The following SYN3 variants were observed in gnomAD, a reference collection of about 807,000 sequenced individuals.
The protein encoded by SYN3 is synapsin III.
A neutral mutation model predicts 65.8 loss-of-function variants in SYN3; 35 were observed. The ratio of observed to expected loss-of-function variants is 0.53; its 90% confidence interval spans 0.41 to 0.70. The LOEUF (loss-of-function observed/expected upper bound fraction) is 0.70. Ranked by LOEUF, SYN3 falls within the 30% of genes least tolerant of loss-of-function variation. The pLI is 0.00. For missense variants in SYN3, 680 were observed against 749.0 expected (o/e 0.91, Z 1.08); for synonymous variants, 270 against 292.9 (o/e 0.92, Z 0.80).
intron 4 of SYN3, among the ~76,000 whole-genome samples, chr22:32,920,421 G>C (rs1248855979): frequency 6.6e-6 from 1 of 152,182 alleles, no homozygotes; most frequent in Non-Finnish European, 1.5e-5. Flanking sequence ...CCCCGGGATG[G>C]CCCCTGCTCT....
chr22:32,671,452 C>T (rs1601883003), intron 6 of SYN3, among the ~76,000 whole-genome samples: 2 of 151,316 alleles, frequency 1.3e-5, no homozygotes, highest in South Asian at 2.1e-4. Flanking sequence ...CACCCTCCCT[C>T]ACACACACAG....
At chr22:32,535,716 C>T (rs1378150570) in intron 9 of SYN3, among the ~76,000 whole-genome samples, 1 of 151,854 alleles carries the variant, frequency 6.6e-6, no homozygotes, top group Admixed American at 6.6e-5. Flanking sequence ...CCCCATAGGG[C>T]ACAGGCATCC....
chr22:32,648,657 T>C (rs952631058), intron 6 of SYN3, among the ~76,000 whole-genome samples: 9 of 152,324 alleles, frequency 5.9e-5, no homozygotes, highest in South Asian at 2.1e-4. Flanking sequence ...CATGGGCAGG[T>C]TGATTAACCT....
chr22:32,605,158 C>T (rs1601742413), intron 6 of SYN3, among the ~76,000 whole-genome samples: 2 of 152,004 alleles, frequency 1.3e-5, no homozygotes, highest in African/African-American at 4.8e-5. Context: ...AGACAGTAAG[C>T]GCGTTTGTTG....
At chr22:32,976,024 T>C (rs776482502) in intron 3 of SYN3, among the ~76,000 whole-genome samples, 5 of 152,222 alleles carry the variant, frequency 3.3e-5, no homozygotes, top group African/African-American at 4.8e-5. Context: ...AAGGCTGAAG[T>C]GCATGTGAGA....
At chr22:32,579,405 ACTTT>A (rs1249728013) in intron 7 of SYN3, among the ~76,000 whole-genome samples, 1 of 152,112 alleles carries the variant, frequency 6.6e-6, no homozygotes, top group Non-Finnish European at 1.5e-5. Context: ...ATAGATGGTG[ACTTT>A]TGCTGCATTC....
At chr22:32,778,252 C>T (rs1024463080) in intron 6 of SYN3, among the ~76,000 whole-genome samples, 2 of 152,108 alleles carry the variant, frequency 1.3e-5, no homozygotes, top group African/African-American at 2.4e-5. Flanking sequence ...TCTCATGCCT[C>T]ATTTCCTAGC....
intron 6 of SYN3, among the ~76,000 whole-genome samples, chr22:32,601,552 C>T (rs572212774): frequency 6.6e-5 from 10 of 152,256 alleles, no homozygotes; most frequent in Non-Finnish European, 1.2e-4. Context: ...GCTGGGATTA[C>T]AGGCGTGAGC....
At chr22:32,972,696 T>TG (rs2052055984) in intron 3 of SYN3, among the ~76,000 whole-genome samples, 1 of 152,170 alleles carries the variant, frequency 6.6e-6, no homozygotes, top group Admixed American at 6.6e-5. Context: ...GTAGCCTCAG[T>TG]GGAAGCACAG....
intron 6 of SYN3, among the ~76,000 whole-genome samples, chr22:32,728,377 G>C (rs962991964): frequency 6.6e-6 from 1 of 152,230 alleles, no homozygotes; most frequent in Non-Finnish European, 1.5e-5. Context: ...CATACCAGCT[G>C]CCTCTGGGCC....
chr22:32,955,614 C>T (rs957363425), intron 3 of SYN3, among the ~76,000 whole-genome samples: 1 of 152,084 alleles, frequency 6.6e-6, no homozygotes, highest in African/African-American at 2.4e-5. Flanking sequence ...TGGTGTTGTG[C>T]AACCACCACC....
At chr22:32,592,139 A>T (rs1384844544) in intron 7 of SYN3, among the ~76,000 whole-genome samples, 1 of 152,228 alleles carries the variant, frequency 6.6e-6, no homozygotes, top group Non-Finnish European at 1.5e-5. Flanking sequence ...CCCAGCAGAC[A>T]AGTGGGATCG....
chr22:32,524,202 A>G (rs2057937254), intron 12 of SYN3, among the ~76,000 whole-genome samples: 1 of 152,266 alleles, frequency 6.6e-6, no homozygotes, highest in East Asian at 1.9e-4. Context: ...TAGATTATTG[A>G]TGAAAGTGGC....
chr22:32,901,118 T>C (rs1209968279), intron 4 of SYN3, among the ~76,000 whole-genome samples: 3 of 152,248 alleles, frequency 2.0e-5, no homozygotes, highest in Non-Finnish European at 4.4e-5. Flanking sequence ...AGATGGTGTA[T>C]GCTTAAAAGC....
chr22:33,018,082 G>A (rs536739098), intron 1 of SYN3, among the ~76,000 whole-genome samples: 33 of 152,170 alleles, frequency 2.2e-4, no homozygotes, highest in Non-Finnish European at 3.8e-4. Flanking sequence ...GCCATTGGAG[G>A]GTTAGAGACA....
At chr22:32,855,164 A>T (rs1309425550) in intron 6 of SYN3, among the ~76,000 whole-genome samples, 3 of 152,228 alleles carry the variant, frequency 2.0e-5, no homozygotes, top group Non-Finnish European at 4.4e-5. Context: ...AACTGAGGGG[A>T]TAACAGAATT....
chr22:32,954,099 CAACAA>C (rs199873334), intron 3 of SYN3, among the ~76,000 whole-genome samples: 71,363 of 145,094 alleles, frequency 0.49, 17,792 homozygotes, highest in Middle Eastern at 0.52. Context: ...TACCCACACC[CAACAA>C]AACAAAACAA....
intron 6 of SYN3, among the ~76,000 whole-genome samples, chr22:32,771,290 C>G (rs965182148): frequency 1.3e-5 from 2 of 152,188 alleles, no homozygotes; most frequent in Admixed American, 1.3e-4. Context: ...CAGCCTTGCC[C>G]TCTGAAGTTG....
At chr22:32,616,384 C>T (rs1464105891) in intron 6 of SYN3, among the ~76,000 whole-genome samples, 3 of 152,170 alleles carry the variant, frequency 2.0e-5, no homozygotes, top group Non-Finnish European at 2.9e-5. Context: ...ATGTCTCTGG[C>T]TGAGGGGCCC....
Sources: gnomAD v4.1 joint callset for allele counts (sites outside exome capture counted in the v4.1 genomes callset) on GRCh38, gnomAD v4.1.1 for gene constraint, MANE v1.5 for transcripts, NCBI Gene and HGNC (gene_info 2026-07-23, HGNC 2026-07-21) for gene names.